MTA1: variants seen among roughly 807,000 people sequenced by gnomAD.
MTA1 encodes metastasis-associated protein MTA1.
MTA1 carries 15 observed loss-of-function variants against 97.0 expected under a neutral mutation model. That is an observed-to-expected ratio of 0.15 (90% CI 0.10 to 0.24). MTA1 has a LOEUF of 0.24. Among genes scored for constraint, MTA1 ranks in the 10% least tolerant of loss-of-function variants. The pLI is 1.00. For missense variants in MTA1, 709 were observed against 1,015.1 expected (o/e 0.70, Z 4.10); for synonymous variants, 435 against 417.5 (o/e 1.04, Z -0.51).
At position 105,463,776 on chromosome 14, in the gene MTA1, C is replaced by G; in HGVS notation, c.1076+225C>G. ...TGGTCAGTAAGGGGGCATTGGGATT[C>G]CAGCCCACACCGCCAGGGTTCAGTC... On this transcript the variant is annotated intron_variant, in intron 12 of 20. Coordinates refer to ENST00000331320, the MANE Select transcript of MTA1 (RefSeq NM_004689.4). The surrounding 1 kb of genome is among the most constrained non-coding windows in gnomAD (Gnocchi z 5.9). The G allele has an allele frequency of 1.6e-6, 1 of 620,288 alleles. No homozygotes were observed. The allele number at this position is 620,288 out of a possible 1,614,324, so 38.4% of individuals were successfully genotyped here.
Position 105,469,477 on chromosome 14 carries a change from C to A in MTA1, c.1824C>A (p.Asn608Lys). 4 of 1,612,990 alleles carry A rather than the reference C, an allele frequency of 2.5e-6. No individual in the cohort carries two copies. The South Asian group carries it at 4.4e-5, about 18-fold the overall frequency. ...TCCATTTCTCATCAGGTCTGGCAAA[C>A]CACGGACAGGCCAGGCACATGGTAA... is the stretch of plus-strand genomic sequence containing the variant. ...RLLMPSRGLANHGQARHMGPS... is the reference protein window; with the variant it reads ...RLLMPSRGLAKHGQARHMGPS... Residue 608 changes from asparagine to lysine, a missense_variant, in exon 19 of 21, where the codon AAC becomes AAA. Coordinates refer to ENST00000331320, the MANE Select transcript of MTA1 (RefSeq NM_004689.4).
At chr14:105,465,228 G>T (rs782080137) in intron 16 of MTA1, 45 bp downstream of exon 16, 12 of 1,461,094 alleles carry the variant, frequency 8.2e-6, no homozygotes, top group East Asian at 2.5e-5. Flanking sequence ...CTGCCTGCAG[G>T]CAGCTTCTCA....
intron 6 of MTA1, among the ~76,000 whole-genome samples, chr14:105,453,339 T>C (rs1351844415): frequency 6.6e-6 from 1 of 152,256 alleles, no homozygotes; most frequent in African/African-American, 2.4e-5. Flanking sequence ...CATCTTCACA[T>C]TGCTGCTGCT....
intron 6 of MTA1, among the ~76,000 whole-genome samples, chr14:105,452,102 T>C (rs2082967053): frequency 2.0e-5 from 3 of 152,178 alleles, no homozygotes; most frequent in African/African-American, 7.2e-5. Flanking sequence ...ACTTCCCTCT[T>C]CTTTCTTACC....
intron 3 of MTA1, among the ~76,000 whole-genome samples, chr14:105,446,982 C>T (rs1335355383): frequency 1.3e-5 from 2 of 152,240 alleles, no homozygotes; most frequent in Non-Finnish European, 2.9e-5. Context: ...CTGCTGCACT[C>T]GGCGGGCTCC....
rs782812851 is a variant in MTA1, at chr14:105,469,973, A to G, written c.1978A>G (p.Met660Val). 3.7e-6 allele frequency: 6 copies of G among 1,612,390 alleles called. No individual in the cohort carries two copies. Among genetic ancestry groups the G allele is most frequent in the African/African-American group, 2.7e-5 (2 of 74,912 alleles). Residue 660 changes from methionine (M) to valine (V), a missense_variant, in exon 20 of 21, where the codon ATG becomes GTG. Met to Val is a conservative substitution (Grantham distance 21, BLOSUM62 1). Transcript: ENST00000331320. ...CGACGCCCCGGATGACGTGTTCTAC[A>G]TGGCCACAGAGGAGACCAGGTGGGG... is the stretch of plus-strand genomic sequence containing the variant. ...WIDAPDDVFYMATEETRKIRK... is the reference protein window; with the variant it reads ...WIDAPDDVFYVATEETRKIRK...
chr14:105,437,599 G>A (rs1370748638), intron 1 of MTA1, among the ~76,000 whole-genome samples: 1 of 152,228 alleles, frequency 6.6e-6, no homozygotes, highest in Non-Finnish European at 1.5e-5. Flanking sequence ...GGGTCCTCGC[G>A]GCACGGGTTT....
chr14:105,466,335 A>C, intron 16 of MTA1, 91 bp from the exon 17 acceptor site: 4 of 1,179,600 alleles, frequency 3.4e-6, no homozygotes, highest in Non-Finnish European at 4.9e-6. Flanking sequence ...TCCTGGGGGT[A>C]TCCCGGAACC....
intron 1 of MTA1, among the ~76,000 whole-genome samples, chr14:105,438,471 G>A (rs1296750818): frequency 6.6e-6 from 1 of 152,176 alleles, no homozygotes; most frequent in Non-Finnish European, 1.5e-5. Flanking sequence ...CCCTGACCCA[G>A]CCTGTCAGTC....
intron 2 of MTA1, among the ~76,000 whole-genome samples, chr14:105,439,869 G>A (rs2141485961): frequency 6.6e-6 from 1 of 152,300 alleles, no homozygotes; most frequent in Admixed American, 6.5e-5. Context: ...TGCCTTCCTG[G>A]ACCTCAGGCT....
intron 9 of MTA1, 46 bp from the exon 10 acceptor site, chr14:105,460,719 G>A: frequency 6.6e-7 from 1 of 1,514,970 alleles, no homozygotes; most frequent in Non-Finnish European, 8.8e-7. Context: ...CACAGGTGCA[G>A]GAAAAGCCAC....
intron 1 of MTA1, among the ~76,000 whole-genome samples, chr14:105,423,917 TTGC>T (rs1272500920): frequency 6.6e-6 from 1 of 152,254 alleles, no homozygotes; most frequent in Non-Finnish European, 1.5e-5. Context: ...CCCTAGGCAC[TTGC>T]TGCTCCATGG....
At chr14:105,421,143 A>G (rs2081820645) in intron 1 of MTA1, among the ~76,000 whole-genome samples, 1 of 152,056 alleles carries the variant, frequency 6.6e-6, no homozygotes, top group Non-Finnish European at 1.5e-5. Flanking sequence ...CGTCTGTGAG[A>G]TGGGCGGTCA....
chr14:105,456,646 GTGAGTT>G (rs1208317385), intron 7 of MTA1, among the ~76,000 whole-genome samples: 1 of 152,240 alleles, frequency 6.6e-6, no homozygotes, highest in Non-Finnish European at 1.5e-5. Context: ...CCTGCCTTTA[GTGAGTT>G]TGAAATGTCA....
At chr14:105,449,513 C>T in intron 4 of MTA1, 104 bp downstream of exon 4, 1 of 1,292,116 alleles carries the variant, frequency 7.7e-7, no homozygotes, top group Admixed American at 2.2e-5. Flanking sequence ...GCCTGCATGC[C>T]TGTGCCCTGC....
intron 7 of MTA1, among the ~76,000 whole-genome samples, chr14:105,456,454 G>A (rs779384617): frequency 7.9e-5 from 12 of 152,248 alleles, no homozygotes; most frequent in East Asian, 3.9e-4. Flanking sequence ...CGCAGGAGCC[G>A]GCCTCCTCTC....
At chr14:105,443,974 G>C (rs1279734798) in intron 2 of MTA1, among the ~76,000 whole-genome samples, 1 of 152,134 alleles carries the variant, frequency 6.6e-6, no homozygotes, top group Non-Finnish European at 1.5e-5. Context: ...TATAGTTCCA[G>C]CTACTCAGGA....
chr14:105,425,280 T>G (rs1423909198), intron 1 of MTA1, among the ~76,000 whole-genome samples: 10 of 151,902 alleles, frequency 6.6e-5, no homozygotes, highest in Non-Finnish European at 1.3e-4. Context: ...CTTGGGAGCA[T>G]GTAATTATGT....
intron 16 of MTA1, 52 bp from the exon 17 acceptor site, chr14:105,466,374 C>T: frequency 6.5e-7 from 1 of 1,538,606 alleles, no homozygotes; most frequent in South Asian, 1.2e-5. Context: ...GCCTGCCTGC[C>T]CCTCCCCTGC....
Sources: gnomAD v4.1 joint callset for allele counts (sites outside exome capture counted in the v4.1 genomes callset) on GRCh38, gnomAD v4.1.1 for gene constraint, Gnocchi (gnomAD v3.1) non-coding constraint, MANE v1.5 for transcripts, NCBI Gene and HGNC (gene_info 2026-07-23, HGNC 2026-07-21) for gene names.